Variants in ASB15 observed in about 807,000 individuals in gnomAD.
ASB15 encodes the protein ankyrin repeat and SOCS box containing 15.
A neutral mutation model predicts 58.0 loss-of-function variants in ASB15; 54 were observed. The ratio of observed to expected loss-of-function variants is 0.93; its 90% CI spans 0.75 to 1.17. ASB15 has a LOEUF of 1.17. ASB15 is among the 50% of genes most tolerant of loss of function. The pLI is 0.00. For synonymous variants in ASB15, 249 were observed against 262.4 expected, an observed-to-expected ratio of 0.95 and a Z score of 0.50; for missense variants, 680 against 707.4, an observed-to-expected ratio of 0.96 and a Z score of 0.44.
intron 1 of ASB15, among the ~76,000 whole-genome samples, chr7:123,573,288 C>CTTTTTTTTTT (rs35889563): frequency 9.3e-5 from 11 of 117,874 alleles, no homozygotes; most frequent in African/African-American, 1.3e-4. Context: ...TCTGGATTTG[C>CTTTTTTTTTT]TTTTTTTTTT....
At chr7:123,580,008 A>G (rs1483771410) in intron 1 of ASB15, among the ~76,000 whole-genome samples, 1 of 152,054 alleles carries the variant, frequency 6.6e-6, no homozygotes, top group Non-Finnish European at 1.5e-5. Context: ...TACATAAATA[A>G]TTACTATGTA....
chr7:123,623,831 T>C (rs1221293809), intron 7 of ASB15, among the ~76,000 whole-genome samples: 1 of 138,776 alleles, frequency 7.2e-6, no homozygotes, highest in Admixed American at 7.6e-5. Flanking sequence ...GCCATCGCAC[T>C]CCAGCCTGAG....
intron 7 of ASB15, among the ~76,000 whole-genome samples, chr7:123,620,515 T>TAC (rs1801179940): frequency 1.3e-4 from 1 of 7,634 alleles, no homozygotes; most frequent in Non-Finnish European, 2.8e-4. Context: ...TACATATATA[T>TAC]ATATATATAT....
At chr7:123,585,407 T>G (rs1281554486) in intron 1 of ASB15, among the ~76,000 whole-genome samples, 1 of 151,804 alleles carries the variant, frequency 6.6e-6, no homozygotes, top group African/African-American at 2.4e-5. Context: ...ACACATTACA[T>G]GTAGGAATGC....
At position 123,619,055 on chromosome 7, in the gene ASB15, C is replaced by T. The variant is rs535685206; in HGVS notation, c.451+1318C>T. ...ATTAGCTGGGCTTCGTGGCAGGCAC[C>T]TGTAATCCCAGCTACTCGGGAGGCT... On this transcript the variant is annotated intron_variant, in intron 7 of 11. Transcript: ENST00000451215. 9.1e-4 allele frequency among the ~76,000 whole-genome samples: 138 copies of T among 151,820 alleles called. 1 individual carries two copies. Among genetic ancestry groups the T allele is most frequent in the Middle Eastern group, 3.4e-3 (1 of 294 alleles).
At chr7:123,594,270 C>G (rs1316737143) in intron 1 of ASB15, among the ~76,000 whole-genome samples, 2 of 152,086 alleles carry the variant, frequency 1.3e-5, no homozygotes, top group African/African-American at 4.8e-5. Flanking sequence ...ACTTCTGAGG[C>G]CTACTTCTGT....
rs1291767924 is a variant in ASB15 at position 123,627,152 on chromosome 7, T to A, written c.740T>A (p.Leu247Gln). The change falls in exon 9 of 12, where the codon CTG becomes CAG. Residue 247 changes from leucine to glutamine, a missense_variant. Transcript: ENST00000451215. ...TTGGCGGATGATGGGGCGTCGGTGC[T>A]GTTTGAGGCAGCAGGAGGTGGCAAT... ...LALADDGASV[L>Q]FEAAGGGNPD... 6.2e-7 allele frequency: 1 copy of A among 1,613,898 alleles called. No individual in the cohort carries two copies. Among genetic ancestry groups the A allele is most frequent in the African/African-American group, 1.3e-5 (1 of 74,902 alleles).
intron 7 of ASB15, among the ~76,000 whole-genome samples, chr7:123,621,907 A>C (rs550856802): frequency 3.0e-4 from 45 of 152,322 alleles, no homozygotes; most frequent in Admixed American, 2.9e-3. Flanking sequence ...TGGAGCCCAG[A>C]GTAAGGAGGA....
intron 1 of ASB15, among the ~76,000 whole-genome samples, chr7:123,590,455 G>C (rs1036260439): frequency 6.6e-6 from 1 of 152,134 alleles, no homozygotes; most frequent in African/African-American, 2.4e-5. Flanking sequence ...ATGGTTTTAG[G>C]TCTTACATTT....
chr7:123,575,103 AG>A (rs1232374686), intron 1 of ASB15, among the ~76,000 whole-genome samples: 1 of 142,770 alleles, frequency 7.0e-6, no homozygotes, highest in Non-Finnish European at 1.5e-5. Context: ...ATCTTTGCCT[AG>A]GCAGGCTGTT....
chr7:123,572,212 C>T (rs1239194230), intron 1 of ASB15, among the ~76,000 whole-genome samples: 1 of 140,278 alleles, frequency 7.1e-6, no homozygotes, highest in Non-Finnish European at 1.5e-5. Flanking sequence ...CGCGATCTTG[C>T]CTCACTGCAA....
In ASB15 at chr7:123,627,244, C is replaced by A. The variant is rs974624560; in HGVS notation, c.832C>A (p.Leu278Ile). 6.2e-7 allele frequency: 1 copy of A among 1,613,778 alleles called. No individual in the cohort carries two copies. The highest frequency in any genetic ancestry group is 1.3e-5 in the African/African-American group (1 of 74,862). ...SGNVPNRAGH[L>I]PIHRAAYEGH... ...AAATGTACCTAACCGAGCAGGACAT[C>A]TTCCTATACACCGAGCTGCCTATGA... The change falls in exon 9 of 12, where the codon CTT (leucine) becomes ATT (isoleucine). Residue 278 changes from leucine (L) to isoleucine (I), a missense_variant. Leu to Ile is a conservative substitution (Grantham distance 5). Coordinates refer to ENST00000451215, the MANE Select transcript of ASB15 (RefSeq NM_001290258.2).
In ASB15 at chr7:123,636,886, G is replaced by A; in HGVS notation, c.1672G>A (p.Ala558Thr). Residue 558 changes from alanine (A) to threonine (T), a missense_variant, in exon 12 of 12, where the codon GCC becomes ACC. Coordinates refer to ENST00000451215, the MANE Select transcript of ASB15 (RefSeq NM_001290258.2). ...LMGLQKLCQP[A>T]SVEKLPLPPA... is the part of the protein sequence containing the mutation. ...GGGTCTCCAGAAACTCTGCCAGCCA[G>A]CCTCAGTGGAGAAGCTTCCTCTACC... is the stretch of plus-strand genomic sequence containing the variant. The A allele has an allele frequency of 6.2e-7, 1 of 1,605,068 alleles. No homozygotes were observed. Among genetic ancestry groups the A allele is most frequent in the Non-Finnish European group, 8.5e-7 (1 of 1,172,324 alleles).
chr7:123,587,732 G>T (rs1308307328), intron 1 of ASB15, among the ~76,000 whole-genome samples: 1 of 151,604 alleles, frequency 6.6e-6, no homozygotes, highest in African/African-American at 2.4e-5. Context: ...TTAGCTGAGA[G>T]TTTTTAATAT....
At position 123,614,492 on chromosome 7, in the gene ASB15, T is replaced by C. The variant is rs376627597; in HGVS notation, c.-2-9T>C. On this transcript the variant is annotated splice_polypyrimidine_tract_variant and intron_variant, in intron 3 of 11. Coordinates refer to ENST00000451215, the MANE Select transcript of ASB15 (RefSeq NM_001290258.2). ...AATAAGAACTTGTCTCGTTCAAAAT[T>C]ATATGCAGGAATGGATACTAATGAT... 1,502 of 1,530,224 alleles carry C rather than the reference T, an allele frequency of 9.8e-4. 2 individuals are homozygous for C. The highest frequency in any genetic ancestry group is 1.3e-3 in the Non-Finnish European group (1,449 of 1,107,224). 94.8% of individuals were successfully genotyped at this position (1,530,224 alleles called of 1,614,324 possible).
Position 123,601,851 on chromosome 7 carries a change from G to A in ASB15, c.-308G>A, listed in dbSNP as rs551003332. 1.3e-5 allele frequency: 2 copies of A among 152,100 alleles called. No homozygotes were observed. Among genetic ancestry groups the A allele is most frequent in the Admixed American group, 6.6e-5 (1 of 15,264 alleles). The allele number at this position is 152,100 out of a possible 1,614,324, so 9.4% of individuals were successfully genotyped here. ...CACAGAAGCACACATTGGCTCCAGG[G>A]CACTTCCTCTGATTTAGGAAGGCAA... On this transcript the variant is annotated 5_prime_UTR_variant, in exon 1 of 12. Coordinates refer to ENST00000451215, the MANE Select transcript of ASB15 (RefSeq NM_001290258.2).
At position 123,607,328 on chromosome 7, in the gene ASB15, T is replaced by C. The variant is rs1322267161; in HGVS notation, c.-63-1266T>C. On this transcript the variant is annotated intron_variant, in intron 2 of 11. Coordinates refer to ENST00000451215, the MANE Select transcript of ASB15 (RefSeq NM_001290258.2). ...TCAAGTATATGAATTTTAATAACTG[T>C]GTAGTATTCCATTTTTATGTGTACA... is the stretch of plus-strand genomic sequence containing the variant. Among the ~76,000 whole-genome samples the C allele has an allele frequency of 5.3e-5, 8 of 152,302 alleles. No homozygotes were observed. In the East Asian group the frequency reaches 1.5e-3, roughly 29 times the overall value.
intron 1 of ASB15, among the ~76,000 whole-genome samples, chr7:123,575,227 C>T (rs1449292318): frequency 6.6e-6 from 1 of 151,966 alleles, no homozygotes; most frequent in African/African-American, 2.4e-5. Context: ...CTAGACAACA[C>T]CTATTAGTTC....
upstream of ASB15, chr7:123,598,930 T>C (rs1009316952): frequency 6.6e-6 from 1 of 152,192 alleles, no homozygotes; most frequent in Admixed American, 6.5e-5. Context: ...TTTCAGTTGT[T>C]TGATTTTCAG....
Sources: allele counts gnomAD v4.1 joint callset (sites outside exome capture counted in the v4.1 genomes callset), GRCh38; gene constraint gnomAD v4.1.1; transcripts MANE v1.5; gene names NCBI Gene and HGNC (gene_info 2026-07-23, HGNC 2026-07-21).